WDR48: variants seen among roughly 807,000 people sequenced by gnomAD.
The protein encoded by WDR48 is WD repeat domain 48, also known as WD repeat-containing protein 48.
In WDR48, 22 loss-of-function variants were observed where a neutral mutation model predicts 94.0. That is an observed-to-expected ratio of 0.23 (90% CI 0.17 to 0.33). The LOEUF (loss-of-function observed/expected upper bound fraction) is 0.33. WDR48 is among the 10% of genes least tolerant of loss of function. The probability of loss-of-function intolerance (pLI) is 1.00; values close to 1 mark genes in which losing one functional copy is unlikely to be tolerated. For synonymous variants in WDR48, 278 were observed against 280.5 expected (o/e 0.99, Z 0.09); for missense variants, 541 against 813.8 (o/e 0.66, Z 4.08).
In WDR48 at chr3:39,078,212, T is replaced by G; in HGVS notation, c.1048T>G (p.Cys350Gly). 6.2e-7 allele frequency: 1 copy of G among 1,613,260 alleles called. No individual in the cohort carries two copies. The highest frequency in any genetic ancestry group is 1.3e-5 in the African/African-American group (1 of 75,024). The change falls in exon 10 of 19, where the codon TGT becomes GGT. Residue 350 changes from cysteine (C) to glycine (G), a missense_variant. Cys to Gly is a radical substitution (Grantham distance 159). Coordinates refer to ENST00000302313, the MANE Select transcript of WDR48 (RefSeq NM_020839.4). ...NDCTNPITPL[C>G]TQPDQVIKGG... ...CTGTACAAATCCTATAACACCTCTT[T>G]GTACACAACCTGACCAGGTTATTAA...
At chr3:39,089,460 A>G (rs2034975382) in intron 16 of WDR48, 142 bp downstream of exon 16, 2 of 595,096 alleles carry the variant, frequency 3.4e-6, no homozygotes, top group Admixed American at 3.8e-5. Context: ...TGCAGTTCCA[A>G]AGTTGCAGAA....
chr3:39,083,363 T>C (rs72859547), intron 11 of WDR48, among the ~76,000 whole-genome samples: 10,567 of 152,208 alleles, frequency 0.069, 1,172 homozygotes, highest in African/African-American at 0.23. Context: ...TGTAAGAAAT[T>C]TGAGCATATT....
In WDR48 at chr3:39,064,088, G is replaced by A. The variant is rs79882255; in HGVS notation, c.189+898G>A. Among the ~76,000 whole-genome samples the A allele has an allele frequency of 7.9e-3, 1,204 of 152,174 alleles. 13 individuals carry two copies. Among genetic ancestry groups the A allele is most frequent in the Non-Finnish European group, 0.013 (868 of 68,004 alleles). On this transcript the variant is annotated intron_variant, in intron 2 of 18. Transcript: ENST00000302313. Reference sequence around the variant, plus strand: ...GATAAATCCCCAGGCAAATGGTAACGAGCCCTTTTAGTATTTTGTTGGAAC... The same window carrying A: ...GATAAATCCCCAGGCAAATGGTAACAAGCCCTTTTAGTATTTTGTTGGAAC...
chr3:39,069,821 G>T, intron 7 of WDR48, 77 bp downstream of exon 7: 1 of 1,147,028 alleles, frequency 8.7e-7, no homozygotes. Flanking sequence ...TGCATAGGTT[G>T]ATTTGAACCG....
chr3:39,062,542 A>T (rs1476535222), intron 1 of WDR48, among the ~76,000 whole-genome samples: 1 of 152,222 alleles, frequency 6.6e-6, no homozygotes, highest in Admixed American at 6.5e-5. Context: ...GGCTGCAACA[A>T]GAGTTAGCCA....
At chr3:39,063,537 A>G (rs527414659) in intron 2 of WDR48, among the ~76,000 whole-genome samples, 2 of 149,882 alleles carry the variant, frequency 1.3e-5, no homozygotes, top group African/African-American at 2.5e-5. Flanking sequence ...TAACCTTACT[A>G]AAAAAAGATT....
rs1306166593 is a variant in WDR48 at position 39,095,053 on chromosome 3, A to G, written c.*310A>G. 2 of 385,154 alleles carry G rather than the reference A, an allele frequency of 5.2e-6. No homozygotes were observed. Among genetic ancestry groups the G allele is most frequent in the Admixed American group, 8.5e-5 (2 of 23,528 alleles). 23.9% of individuals were successfully genotyped at this position (385,154 alleles called of 1,614,324 possible). Reference sequence around the variant, plus strand: ...GACTTTGCTTCCTCCTTTTGTTTCAAAGGACCTTATCTACCCATTAACACT... The same window carrying G: ...GACTTTGCTTCCTCCTTTTGTTTCAGAGGACCTTATCTACCCATTAACACT... On this transcript the variant is annotated 3_prime_UTR_variant, in exon 19 of 19. Transcript: ENST00000302313.
At chr3:39,082,786 A>G (rs948290017) in intron 11 of WDR48, among the ~76,000 whole-genome samples, 1 of 152,210 alleles carries the variant, frequency 6.6e-6, no homozygotes, top group African/African-American at 2.4e-5. Context: ...TGGTGGGCAG[A>G]CAGCTGTACA....
chr3:39,082,779 TGG>T (rs1252432744), intron 11 of WDR48, among the ~76,000 whole-genome samples: 6 of 152,132 alleles, frequency 3.9e-5, no homozygotes, highest in African/African-American at 1.4e-4. Context: ...AGGTGTTTGG[TGG>T]GCAGACAGCT....
intron 5 of WDR48, among the ~76,000 whole-genome samples, chr3:39,067,604 T>G (rs1440964544): frequency 6.6e-6 from 1 of 152,184 alleles, no homozygotes; most frequent in African/African-American, 2.4e-5. Context: ...GGAGCACATT[T>G]TTGGCTAGGC....
chr3:39,054,483 T>A (rs1007760862), intron 1 of WDR48, among the ~76,000 whole-genome samples: 4 of 152,272 alleles, frequency 2.6e-5, no homozygotes, highest in Non-Finnish European at 5.9e-5. Flanking sequence ...CGCTGTTCTA[T>A]ACCTCTTGCT....
rs192533172 is a variant in WDR48 at position 39,067,263 on chromosome 3, G to A, written c.481+388G>A. Among the ~76,000 whole-genome samples, 72 of 152,268 alleles carry A rather than the reference G, an allele frequency of 4.7e-4. 1 individual carries two copies. The East Asian group carries it at 9.1e-3, about 19-fold the overall frequency. ...GTGGCGATTTTCTGACAAAGTAGGC[G>A]GTTTTCTGACTTTTTAAAGTGTTAA... On this transcript the variant is annotated intron_variant, in intron 5 of 18. Coordinates refer to ENST00000302313, the MANE Select transcript of WDR48 (RefSeq NM_020839.4).
chr3:39,078,193 A>G lies in WDR48; in HGVS notation c.1029A>G (p.Thr343=), dbSNP rs754640042. The change falls in exon 10 of 19, where the codon ACA becomes ACG. Residue 343 remains threonine (T), a synonymous_variant. Coordinates refer to ENST00000302313, the MANE Select transcript of WDR48 (RefSeq NM_020839.4). ...CTGGAGATTATGACAATGACTGTAC[A>G]AATCCTATAACACCTCTTTGTACAC... ...RASGDYDNDC[T]NPITPLCTQP... 6.2e-7 allele frequency: 1 copy of G among 1,613,440 alleles called. No homozygotes were observed.
At chr3:39,077,842 G>A (rs1375684565) in intron 9 of WDR48, among the ~76,000 whole-genome samples, 1 of 152,154 alleles carries the variant, frequency 6.6e-6, no homozygotes, top group Non-Finnish European at 1.5e-5. Context: ...TTTAAATGTT[G>A]TATATCTTGT....
chr3:39,076,269 G>A (rs997944866), intron 8 of WDR48, among the ~76,000 whole-genome samples: 8 of 152,130 alleles, frequency 5.3e-5, no homozygotes, highest in African/African-American at 1.9e-4. Flanking sequence ...CTAATGGACC[G>A]AACCAGTAAT....
intron 7 of WDR48, 150 bp from the exon 8 acceptor site, chr3:39,074,576 G>T: frequency 1.3e-6 from 1 of 758,766 alleles, no homozygotes; most frequent in East Asian, 2.7e-5. Flanking sequence ...TTAGCCTGTG[G>T]TGCATGGTTG....
chr3:39,080,627 C>G (rs1367180692), intron 11 of WDR48, among the ~76,000 whole-genome samples: 1 of 152,148 alleles, frequency 6.6e-6, no homozygotes, highest in African/African-American at 2.4e-5. Flanking sequence ...TACCTTGATC[C>G]CCTTTGGTAG....
chr3:39,056,432 G>T (rs771356737), intron 1 of WDR48, among the ~76,000 whole-genome samples: 2 of 152,128 alleles, frequency 1.3e-5, no homozygotes, highest in South Asian at 4.1e-4. Context: ...CTTAAGTGCC[G>T]CAAATTTCTA....
At chr3:39,066,996 C>A in intron 5 of WDR48, 121 bp downstream of exon 5, 1 of 1,191,130 alleles carries the variant, frequency 8.4e-7, no homozygotes, top group Non-Finnish European at 1.2e-6. Flanking sequence ...GAGAGTGCTT[C>A]TACCTACAGC....
Sources: gnomAD v4.1 joint callset for allele counts (sites outside exome capture counted in the v4.1 genomes callset) on GRCh38, gnomAD v4.1.1 for gene constraint, MANE v1.5 for transcripts, NCBI Gene and HGNC (gene_info 2026-07-23, HGNC 2026-07-21) for gene names.